Variants in SLC12A2 observed in about 807,000 individuals in gnomAD.
SLC12A2 encodes the protein Na-K-2Cl cotransporter 1.
In SLC12A2, 67 loss-of-function variants were observed where a neutral mutation model predicts 136.3. That is an observed-to-expected ratio of 0.49 (90% confidence interval 0.40 to 0.60). The LOEUF (loss-of-function observed/expected upper bound fraction) is 0.60, where lower values mean the gene tolerates loss of function less well. SLC12A2 is among the 20% of genes least tolerant of loss of function. SLC12A2 has a pLI of 0.00. For synonymous variants in SLC12A2, 619 were observed against 562.9 expected, an observed-to-expected ratio of 1.10 and a Z score of -1.41; for missense variants, 1,322 against 1,534.7, an observed-to-expected ratio of 0.86 and a Z score of 2.32.
rs773821806 is a variant in SLC12A2, at chr5:128,178,647, G to A, written c.3058G>A (p.Gly1020Arg). 6.3e-7 allele frequency: 1 copy of A among 1,599,954 alleles called. No homozygotes were observed. The highest frequency in any genetic ancestry group is 2.3e-5 in the East Asian group (1 of 44,200). The change falls in exon 22 of 27, where the codon GGA (glycine) becomes AGA (arginine). Residue 1020 changes from glycine to arginine, a missense_variant. Transcript: ENST00000262461. Reference protein sequence around the residue: ...EASTQFQKKQGKNTIDVWWLF... With the variant: ...EASTQFQKKQRKNTIDVWWLF... ...TAGTACACAGTTTCAGAAAAAACAA[G>A]GAAAGAATACTATTGATGTCTGGTG...
chr5:128,175,989 TTC>T (rs1424047095), intron 20 of SLC12A2, among the ~76,000 whole-genome samples: 1 of 150,972 alleles, frequency 6.6e-6, no homozygotes, highest in African/African-American at 2.5e-5. Flanking sequence ...TGTGTTTATT[TTC>T]TGTTTAGTCA....
chr5:128,120,549 G>T (rs1392936983), intron 4 of SLC12A2, among the ~76,000 whole-genome samples: 5 of 151,136 alleles, frequency 3.3e-5, no homozygotes, highest in African/African-American at 1.2e-4. Context: ...ATGAGTTCAT[G>T]TCCTTTGTAG....
chr5:128,172,903 A>G (rs1413497173), intron 19 of SLC12A2, among the ~76,000 whole-genome samples: 1 of 151,630 alleles, frequency 6.6e-6, no homozygotes, highest in East Asian at 2.0e-4. Flanking sequence ...GTAAGCCGAG[A>G]TTGCTCCTTT....
intron 11 of SLC12A2, among the ~76,000 whole-genome samples, chr5:128,148,512 A>G (rs1762600992): frequency 6.6e-6 from 1 of 151,788 alleles, no homozygotes; most frequent in Non-Finnish European, 1.5e-5. Context: ...TCTTCTTCAT[A>G]AAATTTAATT....
Position 128,083,917 on chromosome 5 carries a change from C to G in SLC12A2, c.-38C>G, listed in dbSNP as rs1157828546. The G allele has an allele frequency of 4.1e-6, 5 of 1,218,320 alleles. No individual in the cohort carries two copies. In the Admixed American group the frequency reaches 2.2e-4, roughly 53 times the overall value. The allele number at this position is 1,218,320 out of a possible 1,614,324, so 75.5% of individuals were successfully genotyped here. A position where few individuals can be genotyped will look rare whatever the true frequency, so the allele number is the denominator to read the frequency against. On this transcript the variant is annotated 5_prime_UTR_variant, in exon 1 of 27. Coordinates refer to ENST00000262461, the MANE Select transcript of SLC12A2 (RefSeq NM_001046.3). ...GTGGAGGGCGTGCTGCCGGAGACGTCCGCCGGGCTCTGCAGTTCCGCCGGG... is the reference window on the plus strand; with the variant it reads ...GTGGAGGGCGTGCTGCCGGAGACGTGCGCCGGGCTCTGCAGTTCCGCCGGG...
At chr5:128,182,471 T>A (rs1400620188) in intron 23 of SLC12A2, among the ~76,000 whole-genome samples, 1 of 152,174 alleles carries the variant, frequency 6.6e-6, no homozygotes, top group African/African-American at 2.4e-5. Context: ...ATAAGTGTTC[T>A]TGGATGGAAG....
chr5:128,144,938 AC>A (rs1762482839), intron 10 of SLC12A2, among the ~76,000 whole-genome samples: 1 of 151,948 alleles, frequency 6.6e-6, no homozygotes, highest in Non-Finnish European at 1.5e-5. Context: ...CCCTTTAGAG[AC>A]AAGACAGTCT....
chr5:128,184,370 A>G lies in SLC12A2; in HGVS notation c.3304A>G (p.Ile1102Val). ...TATTCTTTCTGTTTTTTAAAGTATT[A>G]TAGCTTTTGAGGAAATCATTGAGCC... ...INTKPKKENI[I>V]AFEEIIEPYR... Residue 1102 changes from isoleucine (I) to valine (V), a missense_variant, in exon 25 of 27, where the codon ATA becomes GTA. Transcript: ENST00000262461. The G allele has an allele frequency of 3.3e-6, 5 of 1,537,616 alleles. No homozygotes were observed. The East Asian group carries it at 6.9e-5, about 21-fold the overall frequency.
At chr5:128,107,828 A>C (rs565052526) in intron 1 of SLC12A2, among the ~76,000 whole-genome samples, 2 of 152,190 alleles carry the variant, frequency 1.3e-5, no homozygotes, top group East Asian at 3.9e-4. Context: ...TGCTGGGTCA[A>C]ATGGTCCTTC....
chr5:128,093,481 C>G (rs911014859), intron 1 of SLC12A2, among the ~76,000 whole-genome samples: 5 of 152,138 alleles, frequency 3.3e-5, no homozygotes, highest in Admixed American at 3.3e-4. Context: ...CTCAAGCTCA[C>G]AAACTTAGTA....
At chr5:128,095,957 G>T (rs1760521978) in intron 1 of SLC12A2, among the ~76,000 whole-genome samples, 1 of 152,074 alleles carries the variant, frequency 6.6e-6, no homozygotes, top group Admixed American at 6.5e-5. Context: ...CCCTGATATT[G>T]ACAAGTACTA....
In SLC12A2 at chr5:128,189,187, TGCTA is replaced by T. The variant is rs1309468063; in HGVS notation, c.*2562_*2565del. The T allele has an allele frequency of 6.6e-6, 1 of 152,170 alleles. No individual in the cohort carries two copies. The highest frequency in any genetic ancestry group is 6.5e-5 in the Admixed American group (1 of 15,270). 9.4% of individuals were successfully genotyped at this position (152,170 alleles called of 1,614,324 possible). A position where few individuals can be genotyped will look rare whatever the true frequency, so the allele number is the denominator to read the frequency against. Reference sequence around the variant, plus strand: ...TACTTATTTCAACAATTCTTAGAGATGCTAGCTAGTGTTGAAGCTAAAAATAGCT... The same window carrying T: ...TACTTATTTCAACAATTCTTAGAGATGCTAGTGTTGAAGCTAAAAATAGCT... On this transcript the variant is annotated 3_prime_UTR_variant, in exon 27 of 27. Transcript: ENST00000262461.
chr5:128,149,595 C>T (rs1762634542), intron 12 of SLC12A2, among the ~76,000 whole-genome samples: 1 of 151,640 alleles, frequency 6.6e-6, no homozygotes, highest in Non-Finnish European at 1.5e-5. Context: ...ACTTGGTTTT[C>T]ATTTATCAAT....
At chr5:128,127,102 A>C (rs1273758122) in intron 4 of SLC12A2, among the ~76,000 whole-genome samples, 49 of 142,968 alleles carry the variant, frequency 3.4e-4, no homozygotes, top group Non-Finnish European at 6.3e-4. Flanking sequence ...GATCATAAGG[A>C]ATATTGGTCT....
chr5:128,164,846 TG>T (rs1337455256), intron 17 of SLC12A2, among the ~76,000 whole-genome samples: 25 of 147,932 alleles, frequency 1.7e-4, no homozygotes, highest in African/African-American at 3.7e-4. Context: ...AAAACTGTTT[TG>T]TTTTTTTTTT....
chr5:128,183,081 T>C, intron 24 of SLC12A2, 140 bp downstream of exon 24: 1 of 554,386 alleles, frequency 1.8e-6, no homozygotes, highest in East Asian at 2.9e-5. Flanking sequence ...GCATTGATAG[T>C]TGGCATGCAT....
At position 128,084,666 on chromosome 5, in the gene SLC12A2, C is replaced by T; in HGVS notation, c.712C>T (p.Leu238=). ...CACAGCCGCGCAGCTGGGCGAGAAG[C>T]TGCTCCGGCCTAGCCTGGCGGAGCT... ...RHTAAQLGEK[L]LRPSLAELHD... The change falls in exon 1 of 27, where the codon CTG becomes TTG. Residue 238 remains leucine (L), a synonymous_variant. Coordinates refer to ENST00000262461, the MANE Select transcript of SLC12A2 (RefSeq NM_001046.3). This position sits in a 1 kb window ranked among gnomAD's most constrained non-coding sequence, Gnocchi z 5.6. The T allele has an allele frequency of 6.2e-7, 1 of 1,611,678 alleles. No homozygotes were observed. Among genetic ancestry groups the T allele is most frequent in the Non-Finnish European group, 8.5e-7 (1 of 1,179,096 alleles).
chr5:128,085,997 C>T (rs1389014941), intron 1 of SLC12A2, among the ~76,000 whole-genome samples: 1 of 152,118 alleles, frequency 6.6e-6, no homozygotes, highest in African/African-American at 2.4e-5. Flanking sequence ...TCTATCAAGT[C>T]TATTCTTTTT....
intron 21 of SLC12A2, among the ~76,000 whole-genome samples, chr5:128,178,210 A>G (rs1763593148): frequency 6.6e-6 from 1 of 152,176 alleles, no homozygotes; most frequent in Non-Finnish European, 1.5e-5. Flanking sequence ...TATAAACTTG[A>G]TTTGTCCAGT....
Sources: allele counts gnomAD v4.1 joint callset (sites outside exome capture counted in the v4.1 genomes callset), GRCh38; gene constraint gnomAD v4.1.1; non-coding constraint Gnocchi (gnomAD v3.1); transcripts MANE v1.5; gene names NCBI Gene and HGNC (gene_info 2026-07-23, HGNC 2026-07-21).